The following GRID2 variants were observed in gnomAD, a reference collection of about 807,000 sequenced individuals.
GRID2 encodes glutamate receptor ionotropic, delta-2.
GRID2 carries 33 observed loss-of-function variants against 114.8 expected under a neutral mutation model. The ratio of observed to expected loss-of-function variants is 0.29; its 90% confidence interval spans 0.22 to 0.38. The LOEUF (loss-of-function observed/expected upper bound fraction) is 0.38. Ranked by LOEUF, GRID2 falls within the 10% of genes least tolerant of loss-of-function variation. GRID2 has a pLI of 1.00. For missense variants in GRID2, 1,184 were observed against 1,257.7 expected, an observed-to-expected ratio of 0.94 and a Z score of 0.89; for synonymous variants, 505 against 449.9, an observed-to-expected ratio of 1.12 and a Z score of -1.55.
chr4:92,936,864 T>C (rs1377093378), intron 2 of GRID2, among the ~76,000 whole-genome samples: 1 of 146,690 alleles, frequency 6.8e-6, no homozygotes, highest in African/African-American at 2.4e-5. Flanking sequence ...TTGAATTTTG[T>C]TTTTTATTAT....
At chr4:93,577,453 C>T (rs1736532987) in intron 13 of GRID2, among the ~76,000 whole-genome samples, 1 of 152,042 alleles carries the variant, frequency 6.6e-6, no homozygotes, top group South Asian at 2.1e-4. Flanking sequence ...ATAATTTTCC[C>T]CAAATTCAGT....
intron 14 of GRID2, among the ~76,000 whole-genome samples, chr4:93,762,368 T>G (rs1312519736): frequency 1.3e-5 from 2 of 152,130 alleles, no homozygotes; most frequent in African/African-American, 4.8e-5. Context: ...AATATTAAAA[T>G]GGTTATTTTA....
At chr4:92,650,127 T>C (rs1216222320) in intron 2 of GRID2, among the ~76,000 whole-genome samples, 1 of 151,960 alleles carries the variant, frequency 6.6e-6, no homozygotes, top group Non-Finnish European at 1.5e-5. Context: ...GGAAAAACAA[T>C]AGATTTGCTT....
intron 1 of GRID2, among the ~76,000 whole-genome samples, chr4:93,784,813 A>G (rs1034718552): frequency 4.6e-5 from 7 of 152,184 alleles, no homozygotes; most frequent in Admixed American, 4.6e-4. Flanking sequence ...CAGAAACTGA[A>G]AGAAGGGAGA....
intron 1 of GRID2, among the ~76,000 whole-genome samples, chr4:92,430,921 T>C (rs1732407903): frequency 6.6e-6 from 1 of 152,198 alleles, no homozygotes; most frequent in Non-Finnish European, 1.5e-5. Flanking sequence ...TGTTGGTATA[T>C]ACATATGCTG....
chr4:92,537,371 A>T (rs536733084), intron 1 of GRID2, among the ~76,000 whole-genome samples: 28 of 152,320 alleles, frequency 1.8e-4, no homozygotes, highest in African/African-American at 6.5e-4. Context: ...AGGAATAGTG[A>T]AAGACCTAGA....
intron 2 of GRID2, among the ~76,000 whole-genome samples, chr4:93,062,066 C>A (rs1238463326): frequency 1.3e-5 from 2 of 152,058 alleles, no homozygotes; most frequent in Non-Finnish European, 2.9e-5. Context: ...TTGACCCCTC[C>A]CAGGAGGAAA....
intron 2 of GRID2, among the ~76,000 whole-genome samples, chr4:92,819,996 G>A (rs568349581): frequency 2.0e-5 from 3 of 152,152 alleles, no homozygotes; most frequent in South Asian, 2.1e-4. Flanking sequence ...TACCAATTGC[G>A]TAGTACCATT....
rs180799565 is a variant in GRID2 at position 92,711,460 on chromosome 4, C to G, written c.244+121174C>G. The stretch of plus-strand genomic sequence containing the variant: ...TCCCCAGTTTTTGTTGGTTGTCAAC[C>G]AAGAGCTACTGTCTGCTTCTAAAGG... On this transcript the variant is annotated intron_variant, in intron 2 of 15. Coordinates refer to ENST00000282020, the MANE Select transcript of GRID2 (RefSeq NM_001510.4). Among the ~76,000 whole-genome samples the G allele has an allele frequency of 3.4e-3, 515 of 152,262 alleles. 5 individuals are homozygous for G. Among genetic ancestry groups the G allele is most frequent in the South Asian group, 0.019 (93 of 4,824 alleles).
rs1205096650 is a variant in GRID2 at position 93,371,741 on chromosome 4, CTTTTTTTTTTTTTT to C, written c.1246-23856_1246-23843del. On this transcript the variant is annotated intron_variant, in intron 8 of 15. Transcript: ENST00000282020. ...ATTGGTATATACATAATCACTATTT[CTTTTTTTTTTTTTT>C]TTTTTTTTTGGAGATGGAGTCTTGC... 9.8e-3 allele frequency among the ~76,000 whole-genome samples: 879 copies of C among 89,852 alleles called. 29 individuals are homozygous for C. Among genetic ancestry groups the C allele is most frequent in the African/African-American group, 0.039 (835 of 21,514 alleles). 58.9% of individuals were successfully genotyped at this position (89,852 alleles called of 152,430 possible). A position where few individuals can be genotyped will look rare whatever the true frequency, so the allele number is the denominator to read the frequency against.
At chr4:93,388,101 A>G (rs1390418299) in intron 8 of GRID2, among the ~76,000 whole-genome samples, 3 of 152,156 alleles carry the variant, frequency 2.0e-5, no homozygotes, top group Non-Finnish European at 4.4e-5. Context: ...AAAAGAGAGG[A>G]ACATGATTCT....
intron 13 of GRID2, among the ~76,000 whole-genome samples, chr4:93,533,230 G>T (rs544095440): frequency 4.7e-5 from 7 of 148,416 alleles, no homozygotes; most frequent in Non-Finnish European, 8.9e-5. Flanking sequence ...AATCTTGTAG[G>T]GCCCTTTCTT....
intron 1 of GRID2, among the ~76,000 whole-genome samples, chr4:92,497,624 G>A (rs905467813): frequency 2.6e-5 from 4 of 151,740 alleles, no homozygotes; most frequent in South Asian, 2.1e-4. Flanking sequence ...GAGGAGACAC[G>A]GTACAAATGT....
At chr4:93,124,852 C>A (rs772961972) in intron 4 of GRID2, among the ~76,000 whole-genome samples, 1 of 151,994 alleles carries the variant, frequency 6.6e-6, no homozygotes, top group Non-Finnish European at 1.5e-5. Flanking sequence ...GAAAAAAATA[C>A]CCTGTAGCAT....
intron 13 of GRID2, among the ~76,000 whole-genome samples, chr4:93,589,771 T>A (rs1281320640): frequency 2.0e-5 from 3 of 152,160 alleles, no homozygotes; most frequent in Non-Finnish European, 2.9e-5. Flanking sequence ...GGTATCTCCT[T>A]GTGGTTTTGA....
intron 7 of GRID2, among the ~76,000 whole-genome samples, chr4:93,229,161 G>A (rs6851775): frequency 0.51 from 75,928 of 150,330 alleles, 19,393 homozygotes; most frequent in Middle Eastern, 0.66. Flanking sequence ...TGGATTTTTA[G>A]AAAAAAAAAT....
intron 1 of GRID2, among the ~76,000 whole-genome samples, chr4:92,333,745 T>G (rs914810250): frequency 2.6e-5 from 4 of 152,204 alleles, no homozygotes; most frequent in Admixed American, 1.3e-4. Context: ...ATTTCATTTA[T>G]TTAGTTAGAT....
At chr4:92,457,484 C>T (rs906342855) in intron 1 of GRID2, among the ~76,000 whole-genome samples, 5 of 151,918 alleles carry the variant, frequency 3.3e-5, no homozygotes, top group African/African-American at 1.2e-4. Context: ...TTCTTTTATG[C>T]GCATCGAAAG....
At chr4:92,747,026 TA>T (rs1737181931) in intron 2 of GRID2, among the ~76,000 whole-genome samples, 1 of 152,072 alleles carries the variant, frequency 6.6e-6, no homozygotes, top group Non-Finnish European at 1.5e-5. Flanking sequence ...ATTGATGGAA[TA>T]AAAATCCCCC....
Sources: gnomAD v4.1 joint callset for allele counts (sites outside exome capture counted in the v4.1 genomes callset) on GRCh38, gnomAD v4.1.1 for gene constraint, MANE v1.5 for transcripts, NCBI Gene and HGNC (gene_info 2026-07-23, HGNC 2026-07-21) for gene names.